Variants in USP1 observed in about 807,000 individuals in gnomAD.
USP1 encodes the protein ubiquitin specific peptidase 1.
A neutral mutation model predicts 72.2 loss-of-function variants in USP1; 18 were observed. That is an observed-to-expected ratio of 0.25 (90% CI 0.17 to 0.37). The LOEUF is 0.37. Among genes scored for constraint, USP1 ranks in the 10% least tolerant of loss-of-function variants. USP1 has a pLI of 1.00. For missense variants in USP1, 759 were observed against 884.9 expected (o/e 0.86, Z 1.81); for synonymous variants, 354 against 303.7 (o/e 1.17, Z -1.72).
Position 62,441,493 on chromosome 1 carries a change from A to G in USP1, c.176A>G (p.Gln59Arg). 1 of 1,603,852 alleles carries G rather than the reference A, an allele frequency of 6.2e-7. No homozygotes were observed. The highest frequency in any genetic ancestry group is 8.5e-7 in the Non-Finnish European group (1 of 1,177,120). ...CTCCCTTCTATATTTCATAGTGATC[A>G]AGTTGTTCCTGCAGCACAGTCTTCA... is the stretch of plus-strand genomic sequence containing the variant. The part of the protein sequence containing the change: ...ASEYRASEID[Q>R]VVPAAQSSPI... The change falls in exon 3 of 9, where the codon CAA (glutamine) becomes CGA (arginine). Residue 59 changes from glutamine to arginine, a missense_variant. Gln to Arg is a conservative substitution (Grantham distance 43, BLOSUM62 1). Transcript: ENST00000339950.
intron 7 of USP1, 66 bp from the exon 8 acceptor site, chr1:62,448,399 A>C (rs1485895157): frequency 2.8e-5 from 42 of 1,487,944 alleles, no homozygotes; most frequent in Non-Finnish European, 3.9e-5. Context: ...TTTGAACCTG[A>C]AACTTTGTGG....
At chr1:62,444,652 T>C in intron 5 of USP1, 86 bp from the exon 6 acceptor site, 1 of 1,067,254 alleles carries the variant, frequency 9.4e-7, no homozygotes, top group Non-Finnish European at 1.3e-6. Flanking sequence ...ATTTATGATT[T>C]TCCTTACATG....
chr1:62,440,763 ATAGC>A (rs1349015665), intron 2 of USP1, among the ~76,000 whole-genome samples: 1 of 152,216 alleles, frequency 6.6e-6, no homozygotes, highest in East Asian at 1.9e-4. Flanking sequence ...TAGAGTAATA[ATAGC>A]TAGCAATCGT....
In USP1 at chr1:62,444,776, A is replaced by G; in HGVS notation, c.596A>G (p.Asp199Gly). ...ATGTATGAAGGATATCTACAGCATG[A>G]TGCACAGGAAGTATTACAATGTATT... is the stretch of plus-strand genomic sequence containing the variant. ...NPMYEGYLQH[D>G]AQEVLQCILG... The change falls in exon 6 of 9, where the codon GAT becomes GGT. Residue 199 changes from aspartate to glycine, a missense_variant. Coordinates refer to ENST00000339950, the MANE Select transcript of USP1 (RefSeq NM_003368.5). 6.2e-7 allele frequency: 1 copy of G among 1,609,186 alleles called. No homozygotes were observed.
chr1:62,447,750 T>C (rs1004221613), intron 7 of USP1, among the ~76,000 whole-genome samples: 1 of 152,126 alleles, frequency 6.6e-6, no homozygotes, highest in Non-Finnish European at 1.5e-5. Context: ...TTAATAAGTG[T>C]ACTTTTGGGA....
intron 7 of USP1, 131 bp from the exon 8 acceptor site, chr1:62,448,333 TA>T: frequency 2.3e-6 from 2 of 863,352 alleles, no homozygotes; most frequent in Non-Finnish European, 3.5e-6. Flanking sequence ...TTTCTGAAAG[TA>T]AAAATCTCTT....
intron 5 of USP1, among the ~76,000 whole-genome samples, chr1:62,444,120 G>A (rs1645152489): frequency 6.6e-6 from 1 of 151,966 alleles, no homozygotes. Flanking sequence ...TTAGCTGGGT[G>A]TGGTGGTTTG....
At chr1:62,439,591 G>T (rs1645118205) in intron 1 of USP1, among the ~76,000 whole-genome samples, 1 of 152,186 alleles carries the variant, frequency 6.6e-6, no homozygotes, top group Admixed American at 6.5e-5. Flanking sequence ...TAAAAATTCA[G>T]TAGCTTCTGT....
rs1645213988 is a variant in USP1, at chr1:62,451,114, A to C, written c.*133A>C. 1 of 931,500 alleles carries C rather than the reference A, an allele frequency of 1.1e-6. No homozygotes were observed. Among genetic ancestry groups the C allele is most frequent in the Non-Finnish European group, 1.5e-6 (1 of 675,400 alleles). The allele number at this position is 931,500 out of a possible 1,614,324, so 57.7% of individuals were successfully genotyped here. A position where few individuals can be genotyped will look rare whatever the true frequency, so the allele number is the denominator to read the frequency against. ...ATTGGTCTCTCTAGGTTTTTATATA[A>C]ATAGTGAAATTTGAATTACTGAAAA... On this transcript the variant is annotated 3_prime_UTR_variant, in exon 9 of 9. Coordinates refer to ENST00000339950, the MANE Select transcript of USP1 (RefSeq NM_003368.5).
chr1:62,445,807 C>T (rs149511741), intron 6 of USP1, among the ~76,000 whole-genome samples: 4,538 of 152,042 alleles, frequency 0.03, 82 homozygotes, highest in Middle Eastern at 0.068. Context: ...GGTGAAACCC[C>T]GTCTCTACTA....
chr1:62,441,125 A>T (rs1262899417), intron 2 of USP1, among the ~76,000 whole-genome samples: 1 of 151,766 alleles, frequency 6.6e-6, no homozygotes. Context: ...AAATATTGTC[A>T]TGGTTAGTTT....
intron 1 of USP1, among the ~76,000 whole-genome samples, chr1:62,439,088 C>T (rs916065844): frequency 3.3e-5 from 5 of 152,326 alleles, no homozygotes; most frequent in Admixed American, 1.3e-4. Context: ...TCCAGCACTA[C>T]TTTGATTTTC....
Position 62,450,675 on chromosome 1 carries a change from C to T in USP1, c.2052C>T (p.Ala684=). The T allele has an allele frequency of 6.2e-7, 1 of 1,614,096 alleles. No homozygotes were observed. The highest frequency in any genetic ancestry group is 8.5e-7 in the Non-Finnish European group (1 of 1,180,008). Residue 684 remains alanine (A), a synonymous_variant, in exon 9 of 9, where the codon GCC becomes GCT. Transcript: ENST00000339950. The stretch of plus-strand genomic sequence containing the variant: ...CAGATTATGAGCTATACAACAAAGC[C>T]TCTAATCCTGATAAGGTTGCTAGTA... ...SKADYELYNK[A]SNPDKVASTA...
intron 6 of USP1, 118 bp from the exon 7 acceptor site, chr1:62,447,223 G>A: frequency 1.0e-6 from 1 of 1,003,036 alleles, no homozygotes; most frequent in East Asian, 2.7e-5. Context: ...CTAATAAGCT[G>A]ATCTATGAAA....
At chr1:62,447,291 T>C (rs1645182353) in intron 6 of USP1, 50 bp from the exon 7 acceptor site, 5 of 1,527,238 alleles carry the variant, frequency 3.3e-6, no homozygotes, top group Middle Eastern at 1.8e-4. Flanking sequence ...ATTTGGACTA[T>C]AATGAGAAAC....
intron 8 of USP1, among the ~76,000 whole-genome samples, chr1:62,449,110 C>G (rs552147449): frequency 1.3e-5 from 2 of 152,272 alleles, no homozygotes; most frequent in Admixed American, 1.3e-4. Flanking sequence ...TCTTGAACTT[C>G]TGGACTCAAG....
At chr1:62,437,502 T>G (rs1247303974) in intron 1 of USP1, 102 bp downstream of exon 1, 2 of 246,982 alleles carry the variant, frequency 8.1e-6, no homozygotes, top group Non-Finnish European at 1.5e-5. Flanking sequence ...CGTGTTGGCC[T>G]CGCACCCTGG....
At chr1:62,446,851 G>A (rs556728261) in intron 6 of USP1, among the ~76,000 whole-genome samples, 19 of 151,780 alleles carry the variant, frequency 1.3e-4, no homozygotes, top group African/African-American at 4.6e-4. Flanking sequence ...TTTTGCTCTT[G>A]TTGCCCAGGC....
chr1:62,449,719 C>T (rs1419807302), intron 8 of USP1, among the ~76,000 whole-genome samples: 5 of 151,980 alleles, frequency 3.3e-5, no homozygotes, highest in Admixed American at 6.6e-5. Context: ...CAAGACCAGC[C>T]TGGGCAACAT....
Sources: gnomAD v4.1 joint callset for allele counts (sites outside exome capture counted in the v4.1 genomes callset) on GRCh38, gnomAD v4.1.1 for gene constraint, MANE v1.5 for transcripts, NCBI Gene and HGNC (gene_info 2026-07-23, HGNC 2026-07-21) for gene names.